Variants in LGR4 observed in about 807,000 individuals in gnomAD.
The protein encoded by LGR4 is leucine rich repeat containing G protein-coupled receptor 4, also known as leucine-rich repeat-containing G protein-coupled receptor 4.
Under a neutral mutation model 84.8 loss-of-function variants are expected in LGR4, and 44 were observed. That is an observed-to-expected ratio of 0.52 (90% CI 0.41 to 0.67). The LOEUF is 0.67. Ranked by LOEUF, LGR4 falls within the 30% of genes least tolerant of loss-of-function variation. LGR4 has a pLI of 0.00. For synonymous variants in LGR4, 429 were observed against 434.3 expected, an observed-to-expected ratio of 0.99 and a Z score of 0.15; for missense variants, 1,032 against 1,131.4, an observed-to-expected ratio of 0.91 and a Z score of 1.26.
intron 2 of LGR4, among the ~76,000 whole-genome samples, chr11:27,407,316 C>T (rs1863629939): frequency 6.6e-6 from 1 of 152,034 alleles, no homozygotes; most frequent in Non-Finnish European, 1.5e-5. Context: ...CCTTTAGCTC[C>T]CCTCCAATTC....
rs138746318 is a variant in LGR4 at position 27,465,195 on chromosome 11, C to T, written c.185+6923G>A. Among the ~76,000 whole-genome samples the T allele has an allele frequency of 1.6e-3, 243 of 152,248 alleles. 2 individuals are homozygous for T. Among genetic ancestry groups the T allele is most frequent in the African/African-American group, 5.6e-3 (233 of 41,534 alleles). On this transcript the variant is annotated intron_variant, in intron 1 of 17. Coordinates refer to ENST00000379214, the MANE Select transcript of LGR4 (RefSeq NM_018490.5). ...AGGATATGCTTATATTCTTATGAAC[C>T]AACATGTTGCCACAGGAGGGTGGTT...
intron 1 of LGR4, among the ~76,000 whole-genome samples, chr11:27,421,994 GT>G (rs143680126): frequency 0.02 from 3,090 of 152,260 alleles, 99 homozygotes; most frequent in African/African-American, 0.071. Context: ...AATATTCCTT[GT>G]TTTCTTCCTA....
intron 1 of LGR4, among the ~76,000 whole-genome samples, chr11:27,427,800 A>G (rs1463975584): frequency 6.6e-6 from 1 of 152,180 alleles, no homozygotes; most frequent in Non-Finnish European, 1.5e-5. Context: ...GTTACACCGA[A>G]TTCCCTTATT....
chr11:27,403,398 G>A (rs146240966), intron 2 of LGR4, among the ~76,000 whole-genome samples: 1 of 152,306 alleles, frequency 6.6e-6, no homozygotes, highest in African/African-American at 2.4e-5. Flanking sequence ...GTTGCAGTGA[G>A]CTGCACTGCA....
Position 27,373,575 on chromosome 11 carries a change from G to C in LGR4, c.1355C>G (p.Ala452Gly), listed in dbSNP as rs145733785. Residue 452 changes from alanine (A) to glycine (G), a missense_variant, in exon 15 of 18, where the codon GCA becomes GGA. Ala to Gly is a moderately conservative substitution (Grantham distance 60). Transcript: ENST00000379214. The part of the protein sequence containing the change: ...VGNFKLKEAL[A>G]AKDFVNLRSL... ...CCTGAGGTTAACAAAGTCTTTTGCT[G>C]CTAAGGCTTCTTTCAGCTTGAAGTT... is the stretch of plus-strand genomic sequence containing the variant. The C allele has an allele frequency of 8.8e-6, 14 of 1,594,492 alleles. No individual in the cohort carries two copies. Among genetic ancestry groups the C allele is most frequent in the African/African-American group, 2.7e-5 (2 of 74,726 alleles).
chr11:27,435,499 T>G (rs1373381682), intron 1 of LGR4, among the ~76,000 whole-genome samples: 4 of 151,932 alleles, frequency 2.6e-5, no homozygotes, highest in Non-Finnish European at 5.9e-5. Context: ...CTACTTTTTT[T>G]TTTTTTGAGA....
chr11:27,414,773 G>A (rs900666319), intron 1 of LGR4, among the ~76,000 whole-genome samples: 9 of 152,000 alleles, frequency 5.9e-5, no homozygotes, highest in African/African-American at 1.9e-4. Context: ...AAAGGCAGGC[G>A]CAACTCCCAC....
At chr11:27,395,157 C>T (rs776836616) in intron 2 of LGR4, among the ~76,000 whole-genome samples, 5 of 152,018 alleles carry the variant, frequency 3.3e-5, no homozygotes, top group African/African-American at 7.2e-5. Flanking sequence ...AGGCAGTAGC[C>T]ATCTTTCCCC....
intron 1 of LGR4, among the ~76,000 whole-genome samples, chr11:27,435,123 T>A (rs1864185624): frequency 6.6e-6 from 1 of 152,038 alleles, no homozygotes; most frequent in South Asian, 2.1e-4. Flanking sequence ...TCACTTGAGA[T>A]CAGGCGTTCG....
intron 2 of LGR4, among the ~76,000 whole-genome samples, chr11:27,410,394 CCA>C (rs1863687762): frequency 6.6e-6 from 1 of 152,070 alleles, no homozygotes. Context: ...TTTGCCAAAC[CCA>C]GTCACATCTT....
intron 17 of LGR4, among the ~76,000 whole-genome samples, chr11:27,370,715 T>C (rs1422557292): frequency 6.6e-6 from 1 of 152,182 alleles, no homozygotes; most frequent in Non-Finnish European, 1.5e-5. Flanking sequence ...CATGTTGAAG[T>C]CCAGCCCCCC....
intron 2 of LGR4, among the ~76,000 whole-genome samples, chr11:27,408,748 C>T (rs1863657564): frequency 6.6e-6 from 1 of 152,108 alleles, no homozygotes; most frequent in Admixed American, 6.6e-5. Context: ...AACCATCTCT[C>T]TTCCAAATGA....
chr11:27,380,537 A>C (rs1032959836), intron 9 of LGR4, 103 bp downstream of exon 9: 14 of 913,058 alleles, frequency 1.5e-5, no homozygotes, highest in Non-Finnish European at 2.3e-5. Context: ...GGGAGAAAAA[A>C]ATTTTAAAGA....
At chr11:27,457,609 A>G (rs1442638082) in intron 1 of LGR4, among the ~76,000 whole-genome samples, 2 of 152,240 alleles carry the variant, frequency 1.3e-5, no homozygotes, top group Non-Finnish European at 2.9e-5. Context: ...AATTGAGACC[A>G]ACATTTTCTT....
At chr11:27,391,730 T>C (rs1565076566) in intron 3 of LGR4, among the ~76,000 whole-genome samples, 1 of 152,152 alleles carries the variant, frequency 6.6e-6, no homozygotes, top group Admixed American at 6.6e-5. Flanking sequence ...GCCTGCCAAA[T>C]AGATGCATAG....
intron 1 of LGR4, among the ~76,000 whole-genome samples, chr11:27,430,449 T>C (rs1864096516): frequency 6.6e-6 from 1 of 152,198 alleles, no homozygotes; most frequent in South Asian, 2.1e-4. Flanking sequence ...GCACAGACAC[T>C]TAAATAACTT....
At chr11:27,381,379 C>CCATG (rs1349672551) in intron 7 of LGR4, among the ~76,000 whole-genome samples, 1 of 152,156 alleles carries the variant, frequency 6.6e-6, no homozygotes, top group Non-Finnish European at 1.5e-5. Flanking sequence ...CTAACTCTAC[C>CCATG]CATGACAAAC....
At chr11:27,425,648 C>A (rs1025650653) in intron 1 of LGR4, among the ~76,000 whole-genome samples, 1 of 152,092 alleles carries the variant, frequency 6.6e-6, no homozygotes, top group East Asian at 1.9e-4. Context: ...ATAGTACACC[C>A]TTTCACTCTC....
intron 11 of LGR4, 113 bp from the exon 12 acceptor site, chr11:27,377,336 C>G: frequency 1.9e-6 from 1 of 518,770 alleles, no homozygotes. Context: ...AAGAGATATG[C>G]CTGAATAAGA....
Sources: gnomAD v4.1 joint callset for allele counts (sites outside exome capture counted in the v4.1 genomes callset) on GRCh38, gnomAD v4.1.1 for gene constraint, MANE v1.5 for transcripts, NCBI Gene and HGNC (gene_info 2026-07-23, HGNC 2026-07-21) for gene names.